Variants in ABCA13 observed in about 807,000 individuals in gnomAD.
ABCA13 encodes ATP-binding cassette sub-family A member 13.
Under a neutral mutation model 478.7 loss-of-function variants are expected in ABCA13, and 476 were observed. The observed-to-expected ratio is 0.99, with a 90% CI of 0.92 to 1.07. The LOEUF (loss-of-function observed/expected upper bound fraction) is 1.07, where lower values mean the gene tolerates loss of function less well. Ranked by LOEUF, ABCA13 falls within the 50% of genes least tolerant of loss-of-function variation. ABCA13 has a pLI of 0.00. For missense variants in ABCA13, 6,060 were observed against 5,910.6 expected, an observed-to-expected ratio of 1.03 and a Z score of -0.83; for synonymous variants, 2,252 against 2,158.9, an observed-to-expected ratio of 1.04 and a Z score of -1.20.
intron 59 of ABCA13, among the ~76,000 whole-genome samples, chr7:48,617,449 T>A (rs929224642): frequency 2.0e-5 from 3 of 152,108 alleles, no homozygotes; most frequent in African/African-American, 7.2e-5. Context: ...GGGATCTGGG[T>A]GTCAGGATTT....
At chr7:48,488,267 C>T (rs1356951777) in intron 47 of ABCA13, among the ~76,000 whole-genome samples, 10 of 148,486 alleles carry the variant, frequency 6.7e-5, no homozygotes, top group African/African-American at 2.2e-4. Context: ...GGTTTTTTAA[C>T]TATATGATCA....
Position 48,560,282 on chromosome 7 carries a change from C to T in ABCA13, c.14355-19942C>T, listed in dbSNP as rs143984116. ...ACTGACTGAGCCCTGCATGATTTTG[C>T]TCTCTGCTGTGACAGGGCAGCATTT... On this transcript the variant is annotated intron_variant, in intron 55 of 61. Coordinates refer to ENST00000435803, the MANE Select transcript of ABCA13 (RefSeq NM_152701.5). 3.9e-5 allele frequency among the ~76,000 whole-genome samples: 6 copies of T among 152,284 alleles called. No individual in the cohort carries two copies. The East Asian group carries it at 9.7e-4, about 25-fold the overall frequency.
chr7:48,232,159 T>TTTTTTTTTTTTTTTTTTC (rs1789230518), intron 7 of ABCA13, among the ~76,000 whole-genome samples: 1 of 135,138 alleles, frequency 7.4e-6, no homozygotes, highest in African/African-American at 2.7e-5. Context: ...TTTTTTTTTT[T>TTTTTTTTTTTTTTTTTTC]TTTTTAGCTT....
Position 48,411,041 on chromosome 7 carries a change from TTCTTTC to T in ABCA13, c.12228+366_12228+371del, listed in dbSNP as rs1451496894. 6.3e-5 allele frequency among the ~76,000 whole-genome samples: 7 copies of T among 111,118 alleles called. 1 individual carries two copies. Among genetic ancestry groups the T allele is most frequent in the Non-Finnish European group, 1.2e-4 (6 of 50,690 alleles). The allele number at this position is 111,118 out of a possible 152,430, so 72.9% of individuals were successfully genotyped here. ...TTTCTTTCTTTCTTTCTTTCTTTCT[TTCTTTC>T]TTTTTCTTTCTTTCTTTCTTTCTTT... On this transcript the variant is annotated intron_variant, in intron 40 of 61. Transcript: ENST00000435803.
intron 48 of ABCA13, among the ~76,000 whole-genome samples, chr7:48,505,199 C>T (rs531321821): frequency 8.5e-5 from 13 of 152,082 alleles, no homozygotes; most frequent in African/African-American, 2.7e-4. Flanking sequence ...TGCCTTAGTA[C>T]GTGGCTGAGT....
At chr7:48,279,967 G>A in intron 18 of ABCA13, 47 bp downstream of exon 18, 5 of 1,471,586 alleles carry the variant, frequency 3.4e-6, no homozygotes, top group Non-Finnish European at 3.6e-6. Flanking sequence ...TACCGCAGTA[G>A]CTATAAAATA....
rs768933038 is a variant in ABCA13 at position 48,279,641 on chromosome 7, T to C, written c.8447T>C (p.Ile2816Thr). The C allele has an allele frequency of 1.9e-6, 3 of 1,613,006 alleles. No individual in the cohort carries two copies. The East Asian group carries it at 6.7e-5, about 36-fold the overall frequency. The change falls in exon 18 of 62, where the codon ATC (isoleucine) becomes ACC (threonine). Residue 2816 changes from isoleucine (I) to threonine (T), a missense_variant. By Grantham distance (89) the Ile-to-Thr change is moderately conservative (BLOSUM62 -1). Transcript: ENST00000435803. ...NITHHQLEKAIHNVLSRIALW... is the reference protein window; with the variant it reads ...NITHHQLEKATHNVLSRIALW... ...ACTCATCATCAACTTGAAAAAGCAA[T>C]CCATAATGTTTTAAGTAGAATAGCT...
intron 31 of ABCA13, among the ~76,000 whole-genome samples, chr7:48,356,088 G>A (rs951084125): frequency 1.3e-5 from 2 of 151,954 alleles, no homozygotes; most frequent in African/African-American, 2.4e-5. Flanking sequence ...GAGGCAGGAG[G>A]AAAACCTACA....
chr7:48,186,708 T>C (rs1478187761), intron 1 of ABCA13, among the ~76,000 whole-genome samples: 4 of 152,040 alleles, frequency 2.6e-5, no homozygotes, highest in Non-Finnish European at 5.9e-5. Context: ...GAATTGTTTT[T>C]TCTAATTTAT....
intron 3 of ABCA13, among the ~76,000 whole-genome samples, chr7:48,202,447 C>T (rs1244276432): frequency 6.6e-6 from 1 of 151,982 alleles, no homozygotes; most frequent in Non-Finnish European, 1.5e-5. Context: ...ACACAGGGTG[C>T]TGAGTGGTGT....
chr7:48,612,361 A>G (rs1389793907), intron 58 of ABCA13, among the ~76,000 whole-genome samples: 1 of 152,214 alleles, frequency 6.6e-6, no homozygotes, highest in Non-Finnish European at 1.5e-5. Context: ...CTGTTCTCCA[A>G]TAATATAAAT....
chr7:48,355,183 G>A (rs987574554), intron 31 of ABCA13, among the ~76,000 whole-genome samples: 8 of 151,992 alleles, frequency 5.3e-5, no homozygotes, highest in African/African-American at 1.9e-4. Flanking sequence ...CTGGGAAATA[G>A]GATGAGCAGG....
chr7:48,321,548 G>T (rs1584830810), intron 27 of ABCA13, among the ~76,000 whole-genome samples: 2 of 152,370 alleles, frequency 1.3e-5, no homozygotes, highest in African/African-American at 4.8e-5. Context: ...GGTCCTAGCA[G>T]TGTGGCTGAG....
At chr7:48,431,072 C>T (rs910050540) in intron 42 of ABCA13, among the ~76,000 whole-genome samples, 1 of 151,976 alleles carries the variant, frequency 6.6e-6, no homozygotes. Context: ...TATTTTTTAA[C>T]TTCTCTTTTG....
chr7:48,620,136 G>A (rs939788645), intron 59 of ABCA13, among the ~76,000 whole-genome samples: 1 of 152,160 alleles, frequency 6.6e-6, no homozygotes, highest in Non-Finnish European at 1.5e-5. Context: ...TGAGGAGGAG[G>A]AGGAGGAGGC....
At chr7:48,297,996 G>T (rs1487303944) in intron 22 of ABCA13, among the ~76,000 whole-genome samples, 2 of 150,344 alleles carry the variant, frequency 1.3e-5, no homozygotes, top group African/African-American at 4.9e-5. Context: ...ATGTTGGTCA[G>T]GCTGGTCTCG....
In ABCA13 at chr7:48,265,951, A is replaced by G. The variant is rs191781063; in HGVS notation, c.2006-3029A>G. ...ATTTTCTTTTATTCCTACTTTGGCA[A>G]GAGCTTTTAATCAGGAATAGATGTC... On this transcript the variant is annotated intron_variant, in intron 15 of 61. Coordinates refer to ENST00000435803, the MANE Select transcript of ABCA13 (RefSeq NM_152701.5). Among the ~76,000 whole-genome samples the G allele has an allele frequency of 5.5e-3, 842 of 151,794 alleles. 8 individuals carry two copies. Among genetic ancestry groups the G allele is most frequent in the African/African-American group, 0.019 (806 of 41,530 alleles).
At chr7:48,427,114 C>A (rs1016528201) in intron 41 of ABCA13, among the ~76,000 whole-genome samples, 2 of 152,158 alleles carry the variant, frequency 1.3e-5, no homozygotes, top group African/African-American at 4.8e-5. Context: ...AGCTCAAGGC[C>A]CTCGATGTCT....
intron 43 of ABCA13, among the ~76,000 whole-genome samples, chr7:48,459,056 G>A (rs1825975032): frequency 6.6e-6 from 1 of 152,168 alleles, no homozygotes; most frequent in South Asian, 2.1e-4. Flanking sequence ...TGTTTTGAGA[G>A]TGCTCCAGAA....
Sources: allele counts gnomAD v4.1 joint callset (sites outside exome capture counted in the v4.1 genomes callset), GRCh38; gene constraint gnomAD v4.1.1; transcripts MANE v1.5; gene names NCBI Gene and HGNC (gene_info 2026-07-23, HGNC 2026-07-21).